Variants in PCMT1 observed in about 807,000 individuals in gnomAD.
The protein encoded by PCMT1 is protein-L-isoaspartate(D-aspartate) O-methyltransferase.
Under a neutral mutation model 29.2 loss-of-function variants are expected in PCMT1, and 9 were observed. That is an observed-to-expected ratio of 0.31 (90% CI 0.19 to 0.54). The LOEUF is 0.54. Among genes scored for constraint, PCMT1 ranks in the 20% least tolerant of loss-of-function variants. PCMT1 has a pLI of 0.95. For synonymous variants in PCMT1, 98 were observed against 97.5 expected, an observed-to-expected ratio of 1.00 and a Z score of -0.03; for missense variants, 184 against 282.2, an observed-to-expected ratio of 0.65 and a Z score of 2.49.
chr6:149,768,860 C>G (rs1042010926), intron 1 of PCMT1, among the ~76,000 whole-genome samples: 1 of 152,028 alleles, frequency 6.6e-6, no homozygotes, highest in Non-Finnish European at 1.5e-5. Flanking sequence ...CTCCTGACCT[C>G]AAGTGATCCG....
At position 149,793,615 on chromosome 6, in the gene PCMT1, A is replaced by G; in HGVS notation, c.364A>G (p.Asn122Asp). 1 of 1,570,046 alleles carries G rather than the reference A, an allele frequency of 6.4e-7. No individual in the cohort carries two copies. Among genetic ancestry groups the G allele is most frequent in the South Asian group, 1.2e-5 (1 of 82,634 alleles). Reference protein sequence around the residue: ...IKELVDDSVNNVRKDDPTLLS... With the variant: ...IKELVDDSVNDVRKDDPTLLS... ...AGAGCTAGTAGATGACTCAGTAAATAATGTCAGGAAGGACGATCCAACACT... is the reference window on the plus strand; with the variant it reads ...AGAGCTAGTAGATGACTCAGTAAATGATGTCAGGAAGGACGATCCAACACT... Residue 122 changes from asparagine to aspartate, a missense_variant, in exon 5 of 8, where the codon AAT becomes GAT. Transcript: ENST00000464889.
intron 1 of PCMT1, among the ~76,000 whole-genome samples, chr6:149,756,612 G>C (rs1036153655): frequency 7.7e-6 from 1 of 129,674 alleles, no homozygotes; most frequent in Non-Finnish European, 1.6e-5. Flanking sequence ...TGATCCACCC[G>C]CCTCAGTCTC....
chr6:149,777,839 T>C (rs1052036041), intron 3 of PCMT1, among the ~76,000 whole-genome samples: 7 of 44,220 alleles, frequency 1.6e-4, no homozygotes, highest in African/African-American at 1.4e-3. Flanking sequence ...TTTCTTTTTC[T>C]CCTTCCTTCC....
At chr6:149,752,067 T>TG (rs1337352862) in intron 1 of PCMT1, among the ~76,000 whole-genome samples, 16 of 142,796 alleles carry the variant, frequency 1.1e-4, no homozygotes, top group African/African-American at 3.7e-4. Context: ...GTTTATGAGA[T>TG]GGGGTCTTGC....
At chr6:149,806,490 C>T (rs538110645) in intron 7 of PCMT1, among the ~76,000 whole-genome samples, 1 of 152,344 alleles carries the variant, frequency 6.6e-6, no homozygotes, top group South Asian at 2.1e-4. Context: ...AATACTGTCA[C>T]TGTTTTCTGG....
intron 7 of PCMT1, among the ~76,000 whole-genome samples, chr6:149,804,538 G>A (rs1317151640): frequency 6.6e-6 from 1 of 152,002 alleles, no homozygotes; most frequent in Non-Finnish European, 1.5e-5. Flanking sequence ...TTGAGACGGA[G>A]TCCTGCTCTG....
chr6:149,774,538 CTTT>C (rs34761342), intron 3 of PCMT1, among the ~76,000 whole-genome samples: 15 of 116,936 alleles, frequency 1.3e-4, no homozygotes, highest in Admixed American at 1.8e-4. Context: ...TGGGCCCAGT[CTTT>C]TTTTTTTTTT....
chr6:149,802,219 C>T lies in PCMT1; in HGVS notation c.524C>T (p.Pro175Leu). 6.2e-7 allele frequency: 1 copy of T among 1,609,068 alleles called. No homozygotes were observed. Among genetic ancestry groups the T allele is most frequent in the Non-Finnish European group, 8.5e-7 (1 of 1,177,012 alleles). ...VPQALIDQLK[P>L]GGRLILPVGP... ...TTTTAGCTAATAGATCAGTTAAAGC[C>T]CGGAGGAAGATTGATATTGCCTGTT... The change falls in exon 7 of 8, where the codon CCC (proline) becomes CTC (leucine). Residue 175 changes from proline (P) to leucine (L), a missense_variant. Coordinates refer to ENST00000464889, the MANE Select transcript of PCMT1 (RefSeq NM_001360452.2).
In PCMT1 at chr6:149,800,048, G is replaced by C. The variant is rs982744154; in HGVS notation, c.505-2152G>C. Among the ~76,000 whole-genome samples, 19 of 152,284 alleles carry C rather than the reference G, an allele frequency of 1.2e-4. No homozygotes were observed. The East Asian group carries it at 3.5e-3, about 28-fold the overall frequency. On this transcript the variant is annotated intron_variant, in intron 6 of 7. Coordinates refer to ENST00000464889, the MANE Select transcript of PCMT1 (RefSeq NM_001360452.2). ...ACTGGATTTAGAGAGCAAGGGTGGGGTAGGGAGAGGAAGTCAGCTGTTTTT... is the reference window on the plus strand; with the variant it reads ...ACTGGATTTAGAGAGCAAGGGTGGGCTAGGGAGAGGAAGTCAGCTGTTTTT...
intron 5 of PCMT1, chr6:149,794,790 A>T (rs1378294316): frequency 2.1e-6 from 1 of 481,198 alleles, no homozygotes; most frequent in Non-Finnish European, 4.2e-6. Context: ...AATGAGTCTC[A>T]TGTTGCCAGT....
At chr6:149,788,996 A>G (rs1788237545) in intron 3 of PCMT1, among the ~76,000 whole-genome samples, 1 of 151,430 alleles carries the variant, frequency 6.6e-6, no homozygotes, top group Non-Finnish European at 1.5e-5. Context: ...ATTTATCACT[A>G]TAGATTAATG....
intron 1 of PCMT1, among the ~76,000 whole-genome samples, chr6:149,761,882 A>G (rs761687265): frequency 3.3e-5 from 5 of 152,312 alleles, no homozygotes; most frequent in African/African-American, 9.6e-5. Flanking sequence ...ATCAGTAGCC[A>G]TCATTAATAT....
intron 3 of PCMT1, among the ~76,000 whole-genome samples, chr6:149,777,764 ATTCC>A (rs1457115037): frequency 6.6e-6 from 1 of 150,562 alleles, no homozygotes; most frequent in Admixed American, 6.6e-5. Context: ...TCTGTTATCA[ATTCC>A]TTCCTTTCTT....
chr6:149,800,078 A>G (rs1445193071), intron 6 of PCMT1, among the ~76,000 whole-genome samples: 1 of 152,188 alleles, frequency 6.6e-6, no homozygotes, highest in African/African-American at 2.4e-5. Context: ...GTTTTTCATT[A>G]TAAGCCTTGA....
intron 1 of PCMT1, among the ~76,000 whole-genome samples, chr6:149,757,532 G>A (rs998972319): frequency 6.6e-6 from 1 of 152,124 alleles, no homozygotes; most frequent in Non-Finnish European, 1.5e-5. Context: ...AAGGGATGGA[G>A]GTGGTTTGGT....
chr6:149,803,251 C>T (rs1775901128), intron 7 of PCMT1, among the ~76,000 whole-genome samples: 1 of 152,014 alleles, frequency 6.6e-6, no homozygotes, highest in Admixed American at 6.6e-5. Flanking sequence ...CAGCCCATGC[C>T]TATTTTTCAT....
intron 1 of PCMT1, among the ~76,000 whole-genome samples, chr6:149,753,541 A>AGCT (rs2115191133): frequency 6.6e-6 from 1 of 152,226 alleles, no homozygotes; most frequent in African/African-American, 2.4e-5. Context: ...CATGTTGGTC[A>AGCT]GCTGGTCTTG....
At chr6:149,793,076 T>A (rs184917118) in intron 4 of PCMT1, among the ~76,000 whole-genome samples, 270 of 151,796 alleles carry the variant, frequency 1.8e-3, no homozygotes, top group African/African-American at 6.4e-3. Flanking sequence ...GGCAGGAGAA[T>A]TGCTTGAACC....
chr6:149,800,744 C>T (rs945789357), intron 6 of PCMT1, among the ~76,000 whole-genome samples: 1 of 152,102 alleles, frequency 6.6e-6, no homozygotes, highest in Non-Finnish European at 1.5e-5. Flanking sequence ...GTTCCCTTAT[C>T]CCTTCAGTGA....
Sources: gnomAD v4.1 joint callset for allele counts (sites outside exome capture counted in the v4.1 genomes callset) on GRCh38, gnomAD v4.1.1 for gene constraint, MANE v1.5 for transcripts, NCBI Gene and HGNC (gene_info 2026-07-23, HGNC 2026-07-21) for gene names.